SH3GL3: variants seen among roughly 807,000 people sequenced by gnomAD.
The protein encoded by SH3GL3 is SH3 domain containing GRB2 like 3, endophilin A3, also known as endophilin-A3.
A neutral mutation model predicts 47.7 loss-of-function variants in SH3GL3; 33 were observed. That is an observed-to-expected ratio of 0.69 (90% confidence interval 0.52 to 0.92). The LOEUF is 0.92. Ranked by LOEUF, SH3GL3 falls within the 40% of genes least tolerant of loss-of-function variation. SH3GL3 has a pLI of 0.00. For synonymous variants in SH3GL3, 155 were observed against 148.8 expected (o/e 1.04, Z -0.30); for missense variants, 363 against 417.8 (o/e 0.87, Z 1.14).
At chr15:83,624,029 C>T in the SH3GL3 span, among the ~76,000 whole-genome samples, 3 of 152,082 alleles carry the variant, frequency 2.0e-5, no homozygotes, top group South Asian at 2.1e-4. Flanking sequence ...TCAGGTGATC[C>T]GCCCACCTCG....
intron 1 of SH3GL3, among the ~76,000 whole-genome samples, chr15:83,547,219 T>C (rs1008786195): frequency 1.3e-5 from 2 of 152,176 alleles, no homozygotes; most frequent in African/African-American, 2.4e-5. Context: ...TAGCCAGAAC[T>C]CAGTTTCTGA....
intron 1 of SH3GL3, among the ~76,000 whole-genome samples, chr15:83,548,297 A>T (rs2044502114): frequency 6.6e-6 from 1 of 150,648 alleles, no homozygotes; most frequent in Non-Finnish European, 1.5e-5. Context: ...CTATTTTCTT[A>T]TTTCCATTTG....
chr15:83,491,288 A>T (rs1481200758), intron 1 of SH3GL3, among the ~76,000 whole-genome samples: 3 of 152,230 alleles, frequency 2.0e-5, no homozygotes, highest in Admixed American at 6.5e-5. Flanking sequence ...CCAAAATGCA[A>T]TGAAGCTCTT....
At chr15:83,616,072 GAAA>G (rs910814125) in intron 8 of SH3GL3, among the ~76,000 whole-genome samples, 2 of 150,164 alleles carry the variant, frequency 1.3e-5, no homozygotes, top group Non-Finnish European at 3.0e-5. Context: ...AACAAAATGA[GAAA>G]AAAAAAGAAC....
At chr15:83,557,415 C>T (rs2045018336) in intron 1 of SH3GL3, among the ~76,000 whole-genome samples, 1 of 152,232 alleles carries the variant, frequency 6.6e-6, no homozygotes, top group African/African-American at 2.4e-5. Context: ...TTAATTCTCT[C>T]TGACTTCTGT....
At chr15:83,483,281 C>G (rs755942224) in intron 1 of SH3GL3, among the ~76,000 whole-genome samples, 1 of 152,158 alleles carries the variant, frequency 6.6e-6, no homozygotes, top group African/African-American at 2.4e-5. Flanking sequence ...TTGCTCTAGA[C>G]CAGTGCGGCC....
At chr15:83,575,191 C>A (rs1341503024) in intron 5 of SH3GL3, among the ~76,000 whole-genome samples, 1 of 152,132 alleles carries the variant, frequency 6.6e-6, no homozygotes, top group Non-Finnish European at 1.5e-5. Flanking sequence ...ACATCTCCCC[C>A]AAATGCACAG....
At chr15:83,624,269 G>C in the SH3GL3 span, among the ~76,000 whole-genome samples, 1 of 152,136 alleles carries the variant, frequency 6.6e-6, no homozygotes, top group African/African-American at 2.4e-5. Flanking sequence ...GTCCTAATGA[G>C]ACTATGCCTG....
At chr15:83,543,078 A>AT (rs1375660111) in intron 1 of SH3GL3, among the ~76,000 whole-genome samples, 2 of 151,752 alleles carry the variant, frequency 1.3e-5, no homozygotes, top group Non-Finnish European at 2.9e-5. Context: ...ACAGGCTTGC[A>AT]TTTTTTCCTC....
chr15:83,583,866 C>A (rs1256617428), intron 6 of SH3GL3, among the ~76,000 whole-genome samples: 1 of 152,122 alleles, frequency 6.6e-6, no homozygotes, highest in Non-Finnish European at 1.5e-5. Flanking sequence ...CCCATTACCC[C>A]CTGAGCTTGG....
At chr15:83,539,783 A>G (rs185709479) in intron 1 of SH3GL3, among the ~76,000 whole-genome samples, 1 of 152,160 alleles carries the variant, frequency 6.6e-6, no homozygotes, top group Non-Finnish European at 1.5e-5. Flanking sequence ...GATATCTTCT[A>G]TCCTAGGGTT....
At chr15:83,586,057 G>A (rs1380888031) in intron 6 of SH3GL3, among the ~76,000 whole-genome samples, 2 of 152,208 alleles carry the variant, frequency 1.3e-5, no homozygotes, top group African/African-American at 4.8e-5. Context: ...GGGGAAGCCT[G>A]GGAAGTGTAG....
At chr15:83,468,595 G>C (rs763796744) in intron 1 of SH3GL3, among the ~76,000 whole-genome samples, 2 of 152,134 alleles carry the variant, frequency 1.3e-5, no homozygotes, top group Non-Finnish European at 2.9e-5. Flanking sequence ...TGTCAAATGT[G>C]CATCAGTTGA....
At chr15:83,560,731 A>C (rs1292161142) in intron 2 of SH3GL3, among the ~76,000 whole-genome samples, 2 of 152,200 alleles carry the variant, frequency 1.3e-5, no homozygotes, top group Non-Finnish European at 2.9e-5. Context: ...AACTTTCCAG[A>C]AGAGATGCAT....
At position 83,618,071 on chromosome 15, in the gene SH3GL3, C is replaced by G. The variant is rs373808772; in HGVS notation, c.839-11C>G. 30 of 1,574,446 alleles carry G rather than the reference C, an allele frequency of 1.9e-5. No homozygotes were observed. The highest frequency in any genetic ancestry group is 2.5e-5 in the Non-Finnish European group (29 of 1,143,940). On this transcript the variant is annotated splice_polypyrimidine_tract_variant and intron_variant, in intron 8 of 8. Transcript: ENST00000427482. Reference sequence around the variant, plus strand: ...TCATCTGTACTTTTTGTCTCCATATCATGTGGACAGGTTCTAACATTCCCA... The same window carrying G: ...TCATCTGTACTTTTTGTCTCCATATGATGTGGACAGGTTCTAACATTCCCA...
downstream of SH3GL3, among the ~76,000 whole-genome samples, chr15:83,620,970 A>G (rs972486021): frequency 6.6e-6 from 1 of 152,156 alleles, no homozygotes; most frequent in Non-Finnish European, 1.5e-5. Context: ...CACCTTGCAC[A>G]TTTATGTTAT....
Position 83,459,618 on chromosome 15 carries a change from C to T in SH3GL3, c.45+12040C>T, listed in dbSNP as rs150014949. 2.5e-3 allele frequency among the ~76,000 whole-genome samples: 383 copies of T among 152,220 alleles called. 1 individual carries two copies. Among genetic ancestry groups the T allele is most frequent in the Middle Eastern group, 6.8e-3 (2 of 294 alleles). ...GAGGATTTGATTTTAATTCTGAAATCGATTTCTTTATACTTTCAACCTTCT... is the reference window on the plus strand; with the variant it reads ...GAGGATTTGATTTTAATTCTGAAATTGATTTCTTTATACTTTCAACCTTCT... On this transcript the variant is annotated intron_variant, in intron 1 of 8. Transcript: ENST00000427482.
At chr15:83,457,161 C>T (rs143263764) in intron 1 of SH3GL3, among the ~76,000 whole-genome samples, 12 of 152,310 alleles carry the variant, frequency 7.9e-5, no homozygotes, top group Non-Finnish European at 1.5e-4. Flanking sequence ...TACTAATAGT[C>T]ATATTCTTTC....
intron 1 of SH3GL3, among the ~76,000 whole-genome samples, chr15:83,492,329 A>T (rs2041911046): frequency 6.6e-6 from 1 of 151,094 alleles, no homozygotes; most frequent in Non-Finnish European, 1.5e-5. Flanking sequence ...TAAGGGGTTC[A>T]TATCAAACAA....
Sources: gnomAD v4.1 joint callset for allele counts (sites outside exome capture counted in the v4.1 genomes callset) on GRCh38, gnomAD v4.1.1 for gene constraint, MANE v1.5 for transcripts, NCBI Gene and HGNC (gene_info 2026-07-23, HGNC 2026-07-21) for gene names.